Variants in NUP210 observed in about 807,000 individuals in gnomAD.
NUP210 encodes the protein nucleoporin 210.
In NUP210, 151 loss-of-function variants were observed where a neutral mutation model predicts 196.0. That is an observed-to-expected ratio of 0.77 (90% CI 0.67 to 0.88). The LOEUF is 0.88. Ranked by LOEUF, NUP210 falls within the 40% of genes least tolerant of loss-of-function variation. The pLI is 0.00. For missense variants in NUP210, 2,314 were observed against 2,493.7 expected, an observed-to-expected ratio of 0.93 and a Z score of 1.53; for synonymous variants, 1,070 against 1,052.7, an observed-to-expected ratio of 1.02 and a Z score of -0.32.
intron 17 of NUP210, 62 bp from the exon 18 acceptor site, chr3:13,353,722 C>T: frequency 7.0e-7 from 1 of 1,429,526 alleles, no homozygotes; most frequent in Non-Finnish European, 9.9e-7. Flanking sequence ...CTGAAGCAGC[C>T]CCTCCCTCCT....
rs756993975 is a variant in NUP210, at chr3:13,317,801, G to A, written c.5564-20C>T. On this transcript the variant is annotated intron_variant, in intron 39 of 39. Transcript: ENST00000254508. Reference sequence around the variant, plus strand: ...CGAAATCTAGGGTGGGAAGAGAGACGATGTTAGCAGCAGAGCCAGGGAAAG... The same window carrying A: ...CGAAATCTAGGGTGGGAAGAGAGACAATGTTAGCAGCAGAGCCAGGGAAAG... 4.5e-6 allele frequency: 7 copies of A among 1,541,856 alleles called. No homozygotes were observed. The highest frequency in any genetic ancestry group is 3.5e-5 in the South Asian group (3 of 86,368).
At chr3:13,361,162 G>A (rs922244864) in intron 14 of NUP210, among the ~76,000 whole-genome samples, 1 of 152,218 alleles carries the variant, frequency 6.6e-6, no homozygotes, top group Admixed American at 6.5e-5. Context: ...TTCCTTCTGA[G>A]CCGCTGGGCT....
In NUP210 at chr3:13,375,636, T is replaced by A. The variant is rs758822911; in HGVS notation, c.1299A>T (p.Gly433=). The change falls in exon 11 of 40, where the codon GGA becomes GGT. Residue 433 remains glycine (G), a synonymous_variant. Coordinates refer to ENST00000254508, the MANE Select transcript of NUP210 (RefSeq NM_024923.4). ...AALTSVVDQD[G]GVHILQVPVW... ...CAGGCACCTGTAGTATGTGGACCCC[T>A]CCATCCTACAAGGGGTGAGGGTGCC... 6.2e-7 allele frequency: 1 copy of A among 1,613,402 alleles called. No homozygotes were observed. The highest frequency in any genetic ancestry group is 1.3e-5 in the African/African-American group (1 of 74,884).
At chr3:13,365,491 A>C (rs1698498497) in intron 14 of NUP210, among the ~76,000 whole-genome samples, 1 of 152,262 alleles carries the variant, frequency 6.6e-6, no homozygotes, top group Admixed American at 6.5e-5. Context: ...AGGCCAGGGC[A>C]GATCCTCTCT....
chr3:13,399,591 T>C, intron 2 of NUP210, 134 bp downstream of exon 2: 1 of 1,209,070 alleles, frequency 8.3e-7, no homozygotes, highest in Non-Finnish European at 1.2e-6. Context: ...GCCTGTCTCC[T>C]GCCTGGGTGT....
Position 13,420,239 on chromosome 3 carries a change from T to C in NUP210, c.-13A>G, listed in dbSNP as rs1700492192. On this transcript the variant is annotated 5_prime_UTR_variant, in exon 1 of 40. Coordinates refer to ENST00000254508, the MANE Select transcript of NUP210 (RefSeq NM_024923.4). This position sits in a 1 kb window ranked among gnomAD's most constrained non-coding sequence, Gnocchi z 4.8. ...CCCGCGCCGCCATCCTCGCCGCGCG[T>C]CACCTCCCGCGACCCTGCGCCCGGC... The C allele has an allele frequency of 3.7e-6, 4 of 1,094,352 alleles. No homozygotes were observed. The highest frequency in any genetic ancestry group is 4.4e-6 in the Non-Finnish European group (4 of 899,840). The allele number at this position is 1,094,352 out of a possible 1,614,324, so 67.8% of individuals were successfully genotyped here.
intron 1 of NUP210, among the ~76,000 whole-genome samples, 180 bp downstream of exon 1, chr3:13,419,880 T>G (rs1364116604): frequency 1.3e-5 from 2 of 151,106 alleles, no homozygotes; most frequent in African/African-American, 4.9e-5. Flanking sequence ...GACGGCGCCA[T>G]GACATGAGCA....
rs1446148474 is a variant in NUP210 at position 13,327,422 on chromosome 3, C to A, written c.4302G>T (p.Gln1434His). ...TGTTGTTGGTGGGGCCCTTCCCGAT[C>A]TGCACAAAGTCGTCTCTAGGCACAG... ...NFATNRDDFV[Q>H]IGKGPTNNTC... The change falls in exon 32 of 40, where the codon CAG becomes CAT. Residue 1434 changes from glutamine to histidine, a missense_variant. Transcript: ENST00000254508. The A allele has an allele frequency of 6.2e-7, 1 of 1,611,690 alleles. No individual in the cohort carries two copies. Among genetic ancestry groups the A allele is most frequent in the Non-Finnish European group, 8.5e-7 (1 of 1,179,128 alleles).
intron 35 of NUP210, 54 bp downstream of exon 35, chr3:13,322,139 C>A (rs563403892): frequency 1.3e-6 from 2 of 1,599,384 alleles, no homozygotes; most frequent in African/African-American, 2.7e-5. Context: ...GCAAGATGCC[C>A]AGAAGACAGA....
chr3:13,360,937 AC>A (rs1267602912), intron 14 of NUP210, among the ~76,000 whole-genome samples: 1 of 152,260 alleles, frequency 6.6e-6, no homozygotes, highest in Non-Finnish European at 1.5e-5. Context: ...GGCTCAGTAC[AC>A]ATGGTGTTTC....
At chr3:13,411,213 T>C (rs113595848) in intron 1 of NUP210, among the ~76,000 whole-genome samples, 5 of 152,084 alleles carry the variant, frequency 3.3e-5, no homozygotes, top group African/African-American at 1.2e-4. Context: ...GCCTGGGTGA[T>C]AGAGCAAGAA....
In NUP210 at chr3:13,319,782, A is replaced by T; in HGVS notation, c.5364T>A (p.Asp1788Glu). 2 of 1,614,168 alleles carry T rather than the reference A, an allele frequency of 1.2e-6. No individual in the cohort carries two copies. Among genetic ancestry groups the T allele is most frequent in the South Asian group, 1.1e-5 (1 of 91,078 alleles). The stretch of plus-strand genomic sequence containing the variant: ...ACTCACAAGGACCGGGCCCACGGCG[A>T]TCCACCACAAAAGCCACTGTCACTG... The part of the protein sequence containing the change: ...AIPVTVAFVV[D>E]RRGPGPYGAS... Residue 1788 changes from aspartate to glutamate, a missense_variant, in exon 37 of 40, where the codon GAT (aspartate) becomes GAA (glutamate). Coordinates refer to ENST00000254508, the MANE Select transcript of NUP210 (RefSeq NM_024923.4).
intron 16 of NUP210, among the ~76,000 whole-genome samples, chr3:13,358,008 C>T (rs1698240601): frequency 6.6e-6 from 1 of 152,232 alleles, no homozygotes; most frequent in African/African-American, 2.4e-5. Context: ...GTAGCTGTGA[C>T]TTTGGTATGT....
chr3:13,344,488 C>A (rs1170528114), intron 20 of NUP210, among the ~76,000 whole-genome samples: 1 of 152,018 alleles, frequency 6.6e-6, no homozygotes, highest in Non-Finnish European at 1.5e-5. Context: ...AAAGTAAGCA[C>A]TTCAGGGTTT....
intron 4 of NUP210, among the ~76,000 whole-genome samples, chr3:13,390,967 T>A (rs752520796): frequency 6.6e-5 from 10 of 152,170 alleles, no homozygotes; most frequent in Non-Finnish European, 1.0e-4. Context: ...CAGCTGGACA[T>A]CCCAAGCCTC....
chr3:13,343,170 C>T lies in NUP210; in HGVS notation c.2964+5G>A, dbSNP rs1305662686. Reference sequence around the variant, plus strand: ...AGGGTGCCCCGTCATGAAGCTTCCACTGACCTTGTCAACCACACGGATGTA... The same window carrying T: ...AGGGTGCCCCGTCATGAAGCTTCCATTGACCTTGTCAACCACACGGATGTA... On this transcript the variant is annotated splice_donor_5th_base_variant and intron_variant, in intron 21 of 39. Transcript: ENST00000254508. 4.3e-6 allele frequency: 7 copies of T among 1,614,000 alleles called. No homozygotes were observed. The highest frequency in any genetic ancestry group is 5.9e-6 in the Non-Finnish European group (7 of 1,180,002).
chr3:13,324,340 A>G (rs1311353003), intron 33 of NUP210, among the ~76,000 whole-genome samples: 1 of 151,950 alleles, frequency 6.6e-6, no homozygotes, highest in Non-Finnish European at 1.5e-5. Context: ...AGGGCTTCAG[A>G]GGCCACTTCT....
intron 16 of NUP210, among the ~76,000 whole-genome samples, chr3:13,357,517 AG>A (rs1367278805): frequency 6.6e-6 from 1 of 152,178 alleles, no homozygotes; most frequent in Non-Finnish European, 1.5e-5. Context: ...ATGCTCCATA[AG>A]TACATGCTCA....
At chr3:13,357,318 G>A (rs1301094322) in intron 16 of NUP210, among the ~76,000 whole-genome samples, 4 of 152,148 alleles carry the variant, frequency 2.6e-5, no homozygotes, top group Admixed American at 2.6e-4. Flanking sequence ...GCCCCACTCC[G>A]CTCCTCCTGA....
Sources: allele counts gnomAD v4.1 joint callset (sites outside exome capture counted in the v4.1 genomes callset), GRCh38; gene constraint gnomAD v4.1.1; non-coding constraint Gnocchi (gnomAD v3.1); transcripts MANE v1.5; gene names NCBI Gene and HGNC (gene_info 2026-07-23, HGNC 2026-07-21).